S100A16: variants seen among roughly 807,000 people sequenced by gnomAD.
S100A16 encodes the protein protein S100-A16.
A neutral mutation model predicts 9.0 loss-of-function variants in S100A16; 8 were observed. The ratio of observed to expected loss-of-function variants is 0.89; its 90% CI spans 0.52 to 1.60. The LOEUF (loss-of-function observed/expected upper bound fraction) is 1.60, where lower values mean the gene tolerates loss of function less well. S100A16 is among the 40% of genes most tolerant of loss of function. S100A16 has a pLI of 0.00. For synonymous variants in S100A16, 51 were observed against 51.4 expected (o/e 0.99, Z 0.04); for missense variants, 138 against 132.4 (o/e 1.04, Z -0.21).
rs1666715947 is a variant in S100A16, at chr1:153,607,407, A to G, written c.*127T>C. The G allele has an allele frequency of 1.2e-5, 13 of 1,078,932 alleles. No individual in the cohort carries two copies. Among genetic ancestry groups the G allele is most frequent in the Non-Finnish European group, 1.8e-5 (13 of 733,290 alleles). 66.8% of individuals were successfully genotyped at this position (1,078,932 alleles called of 1,614,324 possible). A position where few individuals can be genotyped will look rare whatever the true frequency, so the allele number is the denominator to read the frequency against. The stretch of plus-strand genomic sequence containing the variant: ...AAGGGACCCCAGTTCAGCAAGGGTC[A>G]GAGGAAGGTCTGGAGGGAGAAGAGA... On this transcript the variant is annotated 3_prime_UTR_variant, in exon 3 of 3. Coordinates refer to ENST00000368706, the MANE Select transcript of S100A16 (RefSeq NM_080388.3).
At chr1:153,607,970 A>C in intron 2 of S100A16, 29 bp downstream of exon 2, 1 of 1,609,008 alleles carries the variant, frequency 6.2e-7, no homozygotes, top group Admixed American at 1.7e-5. Flanking sequence ...GGGGAGAGGG[A>C]GGCAAGGCCC....
At chr1:153,609,732 C>G (rs898349645) in intron 1 of S100A16, among the ~76,000 whole-genome samples, 7 of 152,238 alleles carry the variant, frequency 4.6e-5, no homozygotes, top group African/African-American at 1.7e-4. Context: ...GGTACACGTT[C>G]TATAAATATT....
intron 2 of S100A16, 61 bp from the exon 3 acceptor site, chr1:153,607,753 G>A (rs916862559): frequency 1.3e-6 from 2 of 1,595,108 alleles, no homozygotes; most frequent in African/African-American, 2.7e-5. Context: ...CTCCAGGCAG[G>A]ACCCTAGGCA....
intron 1 of S100A16, among the ~76,000 whole-genome samples, chr1:153,611,983 C>T (rs1275741390): frequency 6.6e-6 from 1 of 151,474 alleles, no homozygotes; most frequent in African/African-American, 2.4e-5. Context: ...TCCTGATCCC[C>T]TCTGCTTGGG....
intron 1 of S100A16, among the ~76,000 whole-genome samples, chr1:153,611,391 T>A (rs890423381): frequency 3.3e-5 from 5 of 151,876 alleles, no homozygotes; most frequent in East Asian, 1.9e-4. Context: ...AGTCTTAAGT[T>A]TTTTCCAAGT....
Position 153,608,134 on chromosome 1 carries a change from C to T in S100A16, c.18G>A (p.Thr6=), listed in dbSNP as rs527930830. 2.1e-5 allele frequency: 34 copies of T among 1,613,874 alleles called. No individual in the cohort carries two copies. In the African/African-American group the frequency reaches 3.3e-4, roughly 16 times the overall value. The change falls in exon 2 of 3, where the codon ACG becomes ACA. Residue 6 remains threonine, a synonymous_variant. Coordinates refer to ENST00000368706, the MANE Select transcript of S100A16 (RefSeq NM_080388.3). MSDCY[T]ELEKAVIVLV... ...GGACAATGACTGCCTTCTCCAGCTC[C>T]GTGTAGCAGTCTGACATCTCCCTGC...
At position 153,612,306 on chromosome 1, in the gene S100A16, G is replaced by A. The variant is rs531912567; in HGVS notation, c.-27+646C>T. Reference sequence around the variant, plus strand: ...TGGGTCCTGAGGTGGAGGAGCTGCCGAGGTTCAGCCCCCCTCTCTCTATCT... The same window carrying A: ...TGGGTCCTGAGGTGGAGGAGCTGCCAAGGTTCAGCCCCCCTCTCTCTATCT... On this transcript the variant is annotated intron_variant, in intron 1 of 2. Coordinates refer to ENST00000368706, the MANE Select transcript of S100A16 (RefSeq NM_080388.3). Among the ~76,000 whole-genome samples the A allele has an allele frequency of 2.4e-4, 37 of 152,246 alleles. No homozygotes were observed. The South Asian group carries it at 7.7e-3, about 32-fold the overall frequency.
Position 153,607,665 on chromosome 1 carries a change from T to A in S100A16, c.181A>T (p.Lys61Ter). 1 of 1,614,172 alleles carries A rather than the reference T, an allele frequency of 6.2e-7. No homozygotes were observed. ...TTGGCATCCAGGTTCTGGATGAGCT[T>A]ATCCGCAGCCTTCCGGTTCCCTGTG... is the stretch of plus-strand genomic sequence containing the variant. ...SDTGNRKAADKLIQNLDANHD... is the reference protein window; with the variant it reads ...SDTGNRKAAD The change falls in exon 3 of 3, where the codon AAG becomes TAG. Residue 61 changes from lysine (K) to a stop codon, truncating the protein, a stop_gained. Transcript: ENST00000368706. LOFTEE classifies it high-confidence loss of function.
intron 1 of S100A16, among the ~76,000 whole-genome samples, chr1:153,610,244 C>A (rs192116849): frequency 2.0e-5 from 3 of 152,264 alleles, no homozygotes; most frequent in East Asian, 1.9e-4. Context: ...AAGTCCACTC[C>A]CAACCAAGAC....
chr1:153,610,515 C>G (rs1666810534), intron 1 of S100A16, among the ~76,000 whole-genome samples: 1 of 152,164 alleles, frequency 6.6e-6, no homozygotes, highest in South Asian at 2.1e-4. Context: ...TGGCAGCAGC[C>G]AAGTGGCCAA....
chr1:153,608,029 C>T lies in S100A16; in HGVS notation c.123G>A (p.Met41Ile), dbSNP rs768101520. Residue 41 changes from methionine (M) to isoleucine (I), a missense_variant, in exon 2 of 3, where the codon ATG (methionine) becomes ATA (isoleucine). Met to Ile is a conservative substitution (Grantham distance 10). Coordinates refer to ENST00000368706, the MANE Select transcript of S100A16 (RefSeq NM_080388.3). ...NKISKSSFREMLQKELNHMLS... is the reference protein window; with the variant it reads ...NKISKSSFREILQKELNHMLS... ...GCATGTGGTTCAGCTCTTTCTGGAG[C>T]ATCTCGCGGAAGCTGCTCTTGCTGA... 2.5e-6 allele frequency: 4 copies of T among 1,613,948 alleles called. No homozygotes were observed. The African/African-American group carries it at 4.0e-5, about 16-fold the overall frequency.
At chr1:153,608,312 G>A in intron 1 of S100A16, 135 bp from the exon 2 acceptor site, 2 of 702,630 alleles carry the variant, frequency 2.8e-6, no homozygotes, top group Non-Finnish European at 4.7e-6. Flanking sequence ...GGCAGGAAAA[G>A]GGGAACAGAG....
intron 1 of S100A16, chr1:153,608,772 T>A: frequency 3.5e-6 from 1 of 282,724 alleles, no homozygotes; most frequent in Non-Finnish European, 5.3e-6. Flanking sequence ...AAGGTCCAGA[T>A]CAATTGGATC....
Position 153,607,009 on chromosome 1 carries a change from A to T in S100A16, c.*525T>A. On this transcript the variant is annotated 3_prime_UTR_variant, in exon 3 of 3. Coordinates refer to ENST00000368706, the MANE Select transcript of S100A16 (RefSeq NM_080388.3). The stretch of plus-strand genomic sequence containing the variant: ...GAGGAGGCTCAGCCTTGCTTAGCTC[A>T]TTCCCAGATGAAGAGGCAGCTGGAG... 1 of 301,292 alleles carries T rather than the reference A, an allele frequency of 3.3e-6. No individual in the cohort carries two copies. The highest frequency in any genetic ancestry group is 6.7e-6 in the Non-Finnish European group (1 of 150,150). 18.7% of individuals were successfully genotyped at this position (301,292 alleles called of 1,614,324 possible).
chr1:153,607,739 G>A, intron 2 of S100A16, 47 bp from the exon 3 acceptor site: 1 of 1,610,370 alleles, frequency 6.2e-7, no homozygotes, highest in Non-Finnish European at 8.5e-7. Flanking sequence ...AAGCCCCAGA[G>A]AGACTCCAGG....
intron 1 of S100A16, among the ~76,000 whole-genome samples, chr1:153,612,153 G>T (rs1445684973): frequency 6.6e-6 from 1 of 151,460 alleles, no homozygotes; most frequent in African/African-American, 2.4e-5. Context: ...TTACTAGAAT[G>T]TGGGGAAAGG....
At position 153,612,602 on chromosome 1, in the gene S100A16, C is replaced by T. The variant is rs189515190; in HGVS notation, c.-27+350G>A. Among the ~76,000 whole-genome samples, 109 of 152,288 alleles carry T rather than the reference C, an allele frequency of 7.2e-4. 1 individual carries two copies. The highest frequency in any genetic ancestry group is 2.6e-3 in the African/African-American group (107 of 41,554). On this transcript the variant is annotated intron_variant, in intron 1 of 2. Transcript: ENST00000368706. ...GTGTCCAAGCTCTGACCACCCCCAA[C>T]CCAGACCAACACGCATTTGTCCTCT...
chr1:153,607,887 G>A (rs1319287104), intron 2 of S100A16, 112 bp downstream of exon 2: 8 of 1,247,734 alleles, frequency 6.4e-6, no homozygotes, highest in East Asian at 2.3e-5. Flanking sequence ...TGGAGTTAGC[G>A]GGGACACTGG....
At chr1:153,608,239 C>A in intron 1 of S100A16, 62 bp from the exon 2 acceptor site, 1 of 1,432,168 alleles carries the variant, frequency 7.0e-7, no homozygotes, top group East Asian at 2.3e-5. Flanking sequence ...CCTCCTCCTC[C>A]ACACCCACCC....
Sources: allele counts gnomAD v4.1 joint callset (sites outside exome capture counted in the v4.1 genomes callset), GRCh38; gene constraint gnomAD v4.1.1; transcripts MANE v1.5; gene names NCBI Gene and HGNC (gene_info 2026-07-23, HGNC 2026-07-21).